ATP8A2: variants seen among roughly 807,000 people sequenced by gnomAD.
ATP8A2 encodes the protein ATPase phospholipid transporting 8A2.
A neutral mutation model predicts 165.6 loss-of-function variants in ATP8A2; 100 were observed. The observed-to-expected ratio is 0.60, with a 90% CI of 0.51 to 0.71. The LOEUF is 0.71. Among genes scored for constraint, ATP8A2 ranks in the 30% least tolerant of loss-of-function variants. The pLI is 0.00. For synonymous variants in ATP8A2, 543 were observed against 548.8 expected (o/e 0.99, Z 0.15); for missense variants, 1,227 against 1,479.5 (o/e 0.83, Z 2.80).
intron 24 of ATP8A2, among the ~76,000 whole-genome samples, chr13:25,613,028 G>A (rs1193814920): frequency 6.6e-6 from 1 of 152,036 alleles, no homozygotes; most frequent in African/African-American, 2.4e-5. Context: ...CATGTTAGGG[G>A]AGTCTCTTAA....
chr13:25,577,706 G>A (rs987235024), intron 20 of ATP8A2, among the ~76,000 whole-genome samples: 3 of 152,108 alleles, frequency 2.0e-5, no homozygotes, highest in African/African-American at 7.2e-5. Context: ...AAGGAAAGAT[G>A]TTATTGCTTA....
chr13:25,814,439 T>C (rs532968753), intron 27 of ATP8A2, among the ~76,000 whole-genome samples: 50 of 152,148 alleles, frequency 3.3e-4, no homozygotes, highest in African/African-American at 1.2e-3. Context: ...CAGAACAATC[T>C]GTTTGGAGGA....
intron 24 of ATP8A2, among the ~76,000 whole-genome samples, chr13:25,654,612 A>T (rs17680098): frequency 2.0e-5 from 3 of 152,132 alleles, no homozygotes; most frequent in African/African-American, 7.2e-5. Context: ...TTTCATCACC[A>T]GACAGTGGGC....
intron 1 of ATP8A2, among the ~76,000 whole-genome samples, chr13:25,410,749 A>C (rs1361461432): frequency 6.6e-6 from 1 of 152,222 alleles, no homozygotes; most frequent in Non-Finnish European, 1.5e-5. Flanking sequence ...ATAGGTGCTC[A>C]GTCTACAGTA....
intron 25 of ATP8A2, among the ~76,000 whole-genome samples, chr13:25,722,109 G>A (rs1292638834): frequency 6.6e-6 from 1 of 152,170 alleles, no homozygotes; most frequent in Non-Finnish European, 1.5e-5. Flanking sequence ...GCCAATGCTG[G>A]TATGTGACTT....
intron 6 of ATP8A2, among the ~76,000 whole-genome samples, chr13:25,533,657 C>G (rs1353807720): frequency 6.6e-6 from 1 of 152,132 alleles, no homozygotes; most frequent in East Asian, 1.9e-4. Flanking sequence ...TCACTTTAAA[C>G]ATTTTTGGGT....
intron 25 of ATP8A2, among the ~76,000 whole-genome samples, chr13:25,755,033 G>GA (rs1201133647): frequency 2.0e-5 from 3 of 152,150 alleles, no homozygotes; most frequent in African/African-American, 7.2e-5. Flanking sequence ...AGAGTAAGAG[G>GA]AAAAACTACT....
intron 15 of ATP8A2, 23 bp from the exon 16 acceptor site, chr13:25,563,933 A>T: frequency 6.4e-7 from 1 of 1,573,920 alleles, no homozygotes; most frequent in South Asian, 1.1e-5. Flanking sequence ...AATTGAATAA[A>T]TTTTCTCTGT....
chr13:25,484,346 C>A (rs2036291073), intron 2 of ATP8A2, among the ~76,000 whole-genome samples: 1 of 151,846 alleles, frequency 6.6e-6, no homozygotes, highest in Non-Finnish European at 1.5e-5. Context: ...ATCTTTCTAC[C>A]CTCCCTCCTT....
intron 2 of ATP8A2, among the ~76,000 whole-genome samples, chr13:25,510,216 CACACAG>C (rs55826160): frequency 0.34 from 40,674 of 119,616 alleles, 6,427 homozygotes; most frequent in Non-Finnish European, 0.42. Flanking sequence ...CACACACACA[CACACAG>C]AGAATGTTGA....
chr13:25,826,821 G>T (rs1361626778), intron 27 of ATP8A2, among the ~76,000 whole-genome samples: 1 of 150,148 alleles, frequency 6.7e-6, no homozygotes, highest in Non-Finnish European at 1.5e-5. Flanking sequence ...TCTAAGTCAG[G>T]TTTCTGTCCT....
chr13:25,620,914 G>A lies in ATP8A2; in HGVS notation c.2211+31215G>A, dbSNP rs541540282. On this transcript the variant is annotated intron_variant, in intron 24 of 36. Coordinates refer to ENST00000381655, the MANE Select transcript of ATP8A2 (RefSeq NM_016529.6). ...TGTATGAAGCCATAGAGAAAGGGAA[G>A]GAGAGACTTAAATAATAAGAAAAAC... Among the ~76,000 whole-genome samples the A allele has an allele frequency of 3.9e-5, 6 of 152,168 alleles. No homozygotes were observed. The South Asian group carries it at 1.2e-3, about 32-fold the overall frequency.
chr13:25,950,171 C>A (rs768835568), intron 33 of ATP8A2, among the ~76,000 whole-genome samples: 8 of 152,138 alleles, frequency 5.3e-5, no homozygotes, highest in Non-Finnish European at 1.0e-4. Context: ...AAATAAAAGT[C>A]GCGTATCTCA....
rs376627035 is a variant in ATP8A2 at position 25,901,324 on chromosome 13, G to A, written c.3183+38916G>A. On this transcript the variant is annotated intron_variant, in intron 33 of 36. Coordinates refer to ENST00000381655, the MANE Select transcript of ATP8A2 (RefSeq NM_016529.6). The stretch of plus-strand genomic sequence containing the variant: ...CGAAAAAAGGAAAATGGACTGAACC[G>A]AAAGGGCCTTGGGAGTGTTATGGGA... 1.4e-4 allele frequency among the ~76,000 whole-genome samples: 22 copies of A among 151,932 alleles called. 2 individuals are homozygous for A. The highest frequency in any genetic ancestry group is 5.1e-4 in the African/African-American group (21 of 41,460).
intron 2 of ATP8A2, among the ~76,000 whole-genome samples, chr13:25,508,076 C>G (rs865821301): frequency 6.6e-6 from 1 of 151,408 alleles, no homozygotes. Context: ...TAAGACAGTA[C>G]TGTAAAAAAA....
intron 25 of ATP8A2, among the ~76,000 whole-genome samples, chr13:25,759,584 A>G (rs939839282): frequency 6.6e-6 from 1 of 152,188 alleles, no homozygotes; most frequent in Admixed American, 6.5e-5. Flanking sequence ...TTAATAAAGC[A>G]TTTCAAGGAA....
chr13:25,647,020 C>T (rs1038838797), intron 24 of ATP8A2, among the ~76,000 whole-genome samples: 1 of 152,122 alleles, frequency 6.6e-6, no homozygotes, highest in Non-Finnish European at 1.5e-5. Flanking sequence ...CTTCTCTTTC[C>T]CCCATTTTAT....
At chr13:25,615,556 C>T (rs1009192926) in intron 24 of ATP8A2, among the ~76,000 whole-genome samples, 4 of 152,144 alleles carry the variant, frequency 2.6e-5, no homozygotes, top group Admixed American at 6.5e-5. Flanking sequence ...ACCCTTCTTC[C>T]GGGTTCTGTC....
At position 26,025,208 on chromosome 13, in the gene ATP8A2, T is replaced by A. The variant is rs1185513958; in HGVS notation, c.*5223T>A. ...TCCTTCCCTGCACAGTAAAGACTTT[T>A]GGGTTTTCATGGATAAAATCAATGT... On this transcript the variant is annotated 3_prime_UTR_variant, in exon 37 of 37. Coordinates refer to ENST00000381655, the MANE Select transcript of ATP8A2 (RefSeq NM_016529.6). 1 of 151,262 alleles carries A rather than the reference T, an allele frequency of 6.6e-6. No individual in the cohort carries two copies. Among genetic ancestry groups the A allele is most frequent in the Non-Finnish European group, 1.5e-5 (1 of 67,948 alleles). 9.4% of individuals were successfully genotyped at this position (151,262 alleles called of 1,614,324 possible).
Sources: allele counts gnomAD v4.1 joint callset (sites outside exome capture counted in the v4.1 genomes callset), GRCh38; gene constraint gnomAD v4.1.1; transcripts MANE v1.5; gene names NCBI Gene and HGNC (gene_info 2026-07-23, HGNC 2026-07-21).